The following SYNE1 variants were observed in gnomAD, a reference collection of about 807,000 sequenced individuals.
The protein encoded by SYNE1 is nesprin-1.
Under a neutral mutation model 1,111.0 loss-of-function variants are expected in SYNE1, and 616 were observed. The ratio of observed to expected loss-of-function variants is 0.55; its 90% confidence interval spans 0.52 to 0.59. SYNE1 has a LOEUF of 0.59. SYNE1 is among the 20% of genes least tolerant of loss of function. The pLI is 0.00. For missense variants in SYNE1, 10,006 were observed against 10,417.0 expected, an observed-to-expected ratio of 0.96 and a Z score of 1.72; for synonymous variants, 3,855 against 3,825.8, an observed-to-expected ratio of 1.01 and a Z score of -0.28.
chr6:152,434,884 T>C (rs889579323), intron 33 of SYNE1: 4 of 152,156 alleles, frequency 2.6e-5, no homozygotes, highest in African/African-American at 9.6e-5. Context: ...ATTTATACCC[T>C]GAATGTGCCT....
chr6:152,235,636 C>T (rs1014074838), intron 110 of SYNE1, among the ~76,000 whole-genome samples: 1 of 152,236 alleles, frequency 6.6e-6, no homozygotes, highest in South Asian at 2.1e-4. Flanking sequence ...GTTGGGATTA[C>T]AGGCGTGAGC....
chr6:152,361,613 G>T (rs963806193), intron 64 of SYNE1, among the ~76,000 whole-genome samples: 1 of 152,162 alleles, frequency 6.6e-6, no homozygotes, highest in East Asian at 1.9e-4. Context: ...GATCACAAGT[G>T]CTGTTTAGGA....
intron 6 of SYNE1, among the ~76,000 whole-genome samples, chr6:152,514,481 G>A (rs186230683): frequency 2.6e-5 from 4 of 152,242 alleles, no homozygotes; most frequent in Non-Finnish European, 5.9e-5. Context: ...CCTGTCACGG[G>A]GTAGGGGACT....
chr6:152,239,826 AAGTGGGTG>A, intron 107 of SYNE1, 120 bp from the exon 108 acceptor site: 1 of 1,041,160 alleles, frequency 9.6e-7, no homozygotes, highest in Non-Finnish European at 1.4e-6. Flanking sequence ...GGGGAGGCTG[AAGTGGGTG>A]GATTACCTGA....
chr6:152,585,197 T>C, intron 3 of SYNE1, among the ~76,000 whole-genome samples: 1 of 151,932 alleles, frequency 6.6e-6, no homozygotes, highest in East Asian at 1.9e-4. Context: ...CTTCTCTTTC[T>C]GCCATGACTG....
intron 53 of SYNE1, among the ~76,000 whole-genome samples, chr6:152,389,086 C>A (rs1427913246): frequency 6.6e-6 from 1 of 152,042 alleles, no homozygotes; most frequent in Admixed American, 6.5e-5. Flanking sequence ...ATAACAACAA[C>A]AAAAAAACCC....
intron 3 of SYNE1, among the ~76,000 whole-genome samples, chr6:152,557,046 G>A (rs2099367409): frequency 6.6e-6 from 1 of 152,014 alleles, no homozygotes. Context: ...AACACAGAAA[G>A]GCAGCTAACC....
chr6:152,151,213 C>A (rs1586271871), intron 135 of SYNE1, among the ~76,000 whole-genome samples: 5 of 149,030 alleles, frequency 3.4e-5, no homozygotes, highest in Admixed American at 3.3e-4. Flanking sequence ...CAGAGTGAGA[C>A]TCTCTCTAAA....
In SYNE1 at chr6:152,255,714, C is replaced by G; in HGVS notation, c.19137G>C (p.Leu6379Phe). The change falls in exon 103 of 146, where the codon TTG becomes TTC. Residue 6379 changes from leucine to phenylalanine, a missense_variant. Physicochemically the swap from Leu to Phe is conservative, Grantham distance 22. Coordinates refer to ENST00000367255, the MANE Select transcript of SYNE1 (RefSeq NM_182961.4). ...SGGAKRQSIH[L>F]EQKLYDGVSA... ...AGACTCCATCATACAACTTCTGCTCCAAGTGTATACTCTGCCTCTTTGCCC... is the reference window on the plus strand; with the variant it reads ...AGACTCCATCATACAACTTCTGCTCGAAGTGTATACTCTGCCTCTTTGCCC... 6.2e-7 allele frequency: 1 copy of G among 1,614,174 alleles called. No homozygotes were observed. Among genetic ancestry groups the G allele is most frequent in the Non-Finnish European group, 8.5e-7 (1 of 1,180,032 alleles).
chr6:152,463,572 G>T, intron 18 of SYNE1, 55 bp from the exon 19 acceptor site: 1 of 1,428,212 alleles, frequency 7.0e-7, no homozygotes. Context: ...ATCAGTGACT[G>T]ATATGAAAGT....
At chr6:152,407,470 C>T (rs572787118) in intron 44 of SYNE1, among the ~76,000 whole-genome samples, 2 of 152,288 alleles carry the variant, frequency 1.3e-5, no homozygotes, top group East Asian at 3.9e-4. Flanking sequence ...CCATTGGAAT[C>T]TACTATAACT....
At chr6:152,610,859 A>G (rs1294186262) in intron 3 of SYNE1, among the ~76,000 whole-genome samples, 1 of 152,208 alleles carries the variant, frequency 6.6e-6, no homozygotes, top group Admixed American at 6.5e-5. Flanking sequence ...TAAAGAAAAG[A>G]ATTTTCAACC....
At chr6:152,329,702 A>G (rs1563108004) in intron 78 of SYNE1, 28 bp downstream of exon 78, 1 of 1,614,134 alleles carries the variant, frequency 6.2e-7, no homozygotes, top group Non-Finnish European at 8.5e-7. Flanking sequence ...GAGTGGAAAA[A>G]AGAGAAGTGA....
chr6:152,159,363 T>C (rs1422358913), intron 131 of SYNE1, among the ~76,000 whole-genome samples: 1 of 152,184 alleles, frequency 6.6e-6, no homozygotes, highest in South Asian at 2.1e-4. Flanking sequence ...CCAGATCACA[T>C]GGGAATGTAG....
chr6:152,462,419 A>G, intron 20 of SYNE1: 1 of 457,644 alleles, frequency 2.2e-6, no homozygotes, highest in Non-Finnish European at 3.8e-6. Context: ...TCATGCAATA[A>G]ATCCTTTATT....
intron 137 of SYNE1, chr6:152,144,872 C>T (rs2059190965): frequency 6.4e-6 from 1 of 156,046 alleles, no homozygotes; most frequent in Non-Finnish European, 1.4e-5. Context: ...TTCTTTAATT[C>T]TTCTTGTTTC....
In SYNE1 at chr6:152,233,784, G is replaced by A; in HGVS notation, c.20709C>T (p.His6903=). ...TNIPAVQEKL[H]QLQMDKLPSR... ...ACGAAAGCAATCCTTTCTGTACCTG[G>A]TGGAGCTTCTCCTGGACGGCTGGGA... Residue 6903 remains histidine, a synonymous_variant, in exon 112 of 146, where the codon CAC becomes CAT. Coordinates refer to ENST00000367255, the MANE Select transcript of SYNE1 (RefSeq NM_182961.4). The A allele has an allele frequency of 6.2e-7, 1 of 1,614,162 alleles. No individual in the cohort carries two copies. Among genetic ancestry groups the A allele is most frequent in the Non-Finnish European group, 8.5e-7 (1 of 1,180,034 alleles).
intron 34 of SYNE1, among the ~76,000 whole-genome samples, chr6:152,433,178 C>A (rs1291104776): frequency 6.6e-6 from 1 of 151,822 alleles, no homozygotes; most frequent in African/African-American, 2.4e-5. Context: ...AATAAACACT[C>A]CAAGCCCCTG....
chr6:152,606,688 C>T (rs761873126), intron 3 of SYNE1, among the ~76,000 whole-genome samples: 2 of 152,304 alleles, frequency 1.3e-5, no homozygotes, highest in South Asian at 4.1e-4. Flanking sequence ...GGCTCTGTCG[C>T]CCAGGCTGGA....
Sources: allele counts gnomAD v4.1 joint callset (sites outside exome capture counted in the v4.1 genomes callset), GRCh38; gene constraint gnomAD v4.1.1; transcripts MANE v1.5; gene names NCBI Gene and HGNC (gene_info 2026-07-23, HGNC 2026-07-21).